Variants in CSMD1 observed in about 807,000 individuals in gnomAD.
CSMD1 encodes the protein CUB and sushi domain-containing protein 1.
A neutral mutation model predicts 417.5 loss-of-function variants in CSMD1; 213 were observed. That is an observed-to-expected ratio of 0.51 (90% confidence interval 0.46 to 0.57). The LOEUF (loss-of-function observed/expected upper bound fraction) is 0.57. CSMD1 is among the 20% of genes least tolerant of loss of function. CSMD1 has a pLI of 0.00. For missense variants in CSMD1, 6,923 were observed against 4,529.7 expected (o/e 1.53, Z -15.17); for synonymous variants, 2,862 against 1,736.8 (o/e 1.65, Z -16.11).
At chr8:4,053,379 T>G (rs1798533233) in intron 3 of CSMD1, among the ~76,000 whole-genome samples, 1 of 152,002 alleles carries the variant, frequency 6.6e-6, no homozygotes, top group Non-Finnish European at 1.5e-5. Flanking sequence ...ACAGACAGTG[T>G]GTGCGCTGAC....
chr8:3,779,276 G>C (rs1016762547), intron 5 of CSMD1, among the ~76,000 whole-genome samples: 1 of 151,846 alleles, frequency 6.6e-6, no homozygotes, highest in Non-Finnish European at 1.5e-5. Context: ...GTTTGCTTGA[G>C]CTTTTATGAA....
intron 1 of CSMD1, among the ~76,000 whole-genome samples, chr8:4,673,313 C>G (rs1231193948): frequency 2.0e-5 from 3 of 152,024 alleles, no homozygotes; most frequent in Non-Finnish European, 4.4e-5. Context: ...AATGCAAGAC[C>G]CAAAGACTCC....
At chr8:3,665,485 C>T (rs867173371) in intron 7 of CSMD1, among the ~76,000 whole-genome samples, 5 of 152,078 alleles carry the variant, frequency 3.3e-5, no homozygotes, top group East Asian at 3.9e-4. Flanking sequence ...GCCAAGATCA[C>T]GCCACTGCAC....
intron 7 of CSMD1, among the ~76,000 whole-genome samples, chr8:3,689,247 G>T (rs1365110697): frequency 6.6e-6 from 1 of 152,156 alleles, no homozygotes; most frequent in Admixed American, 6.5e-5. Context: ...CAGTTACCAT[G>T]AAGTGAATCA....
At chr8:4,149,975 C>G (rs977443323) in intron 3 of CSMD1, among the ~76,000 whole-genome samples, 1 of 152,174 alleles carries the variant, frequency 6.6e-6, no homozygotes, top group Admixed American at 6.5e-5. Flanking sequence ...AAGTTCAGCA[C>G]TGTCACAGAG....
intron 25 of CSMD1, among the ~76,000 whole-genome samples, chr8:3,294,900 C>T (rs752102757): frequency 1.8e-4 from 28 of 152,046 alleles, no homozygotes; most frequent in Non-Finnish European, 2.9e-4. Context: ...AGAAATCGCC[C>T]GTCTTCTGCG....
intron 5 of CSMD1, among the ~76,000 whole-genome samples, chr8:3,936,243 G>C (rs1347566194): frequency 6.6e-6 from 1 of 151,214 alleles, no homozygotes; most frequent in Non-Finnish European, 1.5e-5. Flanking sequence ...AGCAAGTGAT[G>C]ATGGAAAGCT....
At chr8:3,689,796 G>C (rs78843255) in intron 7 of CSMD1, among the ~76,000 whole-genome samples, 1 of 152,172 alleles carries the variant, frequency 6.6e-6, no homozygotes, top group Admixed American at 6.5e-5. Flanking sequence ...CAAAGTTACA[G>C]TCTATTCATT....
rs570934601 is a variant in CSMD1, at chr8:4,209,727, C to G, written c.416-177628G>C. ...GCAACTTTTATTGACTGAAGCAGCACCAGATGTCCTGCTCCTAGCACAGCA... is the reference window on the plus strand; with the variant it reads ...GCAACTTTTATTGACTGAAGCAGCAGCAGATGTCCTGCTCCTAGCACAGCA... On this transcript the variant is annotated intron_variant, in intron 3 of 69. Transcript: ENST00000635120. Among the ~76,000 whole-genome samples, 84 of 152,284 alleles carry G rather than the reference C, an allele frequency of 5.5e-4. 1 individual carries two copies. The South Asian group carries it at 0.013, about 23-fold the overall frequency.
intron 1 of CSMD1, among the ~76,000 whole-genome samples, chr8:4,878,885 A>G (rs10435673): frequency 0.98 from 148,724 of 151,212 alleles, 73,148 homozygotes; most frequent in East Asian, 1. Flanking sequence ...ACACACAAAA[A>G]GCTGATGATG....
At chr8:3,330,243 T>G (rs190399175) in intron 23 of CSMD1, among the ~76,000 whole-genome samples, 1 of 152,310 alleles carries the variant, frequency 6.6e-6, no homozygotes, top group East Asian at 1.9e-4. Context: ...TAAAAACAAC[T>G]TGCCTATACT....
chr8:3,043,505 T>C (rs1811245772), intron 50 of CSMD1, among the ~76,000 whole-genome samples: 2 of 152,096 alleles, frequency 1.3e-5, no homozygotes, highest in African/African-American at 4.8e-5. Context: ...TTTTTTATGA[T>C]GTATATAAAT....
intron 2 of CSMD1, among the ~76,000 whole-genome samples, chr8:4,459,184 G>A (rs1213991752): frequency 6.6e-6 from 1 of 152,166 alleles, no homozygotes; most frequent in Non-Finnish European, 1.5e-5. Context: ...AGATGAGTTT[G>A]GCCAACAGGC....
intron 3 of CSMD1, among the ~76,000 whole-genome samples, chr8:4,088,696 A>G (rs1026994007): frequency 2.0e-5 from 3 of 152,014 alleles, no homozygotes; most frequent in African/African-American, 7.2e-5. Context: ...GTTCATTGCA[A>G]TCAGCTCCCC....
chr8:3,337,255 G>C, intron 23 of CSMD1, among the ~76,000 whole-genome samples: 1 of 152,112 alleles, frequency 6.6e-6, no homozygotes, highest in East Asian at 1.9e-4. Context: ...AAAATATTTT[G>C]ATAAACATAC....
At chr8:4,441,286 G>A (rs1307673184) in intron 2 of CSMD1, among the ~76,000 whole-genome samples, 52 of 110,716 alleles carry the variant, frequency 4.7e-4, no homozygotes, top group Non-Finnish European at 7.5e-4. Context: ...TTTTTTTGGT[G>A]GGGGGAGTAG....
At chr8:3,126,688 A>C (rs900949716) in intron 41 of CSMD1, among the ~76,000 whole-genome samples, 19 of 152,180 alleles carry the variant, frequency 1.2e-4, no homozygotes, top group Non-Finnish European at 4.4e-5. Flanking sequence ...CCTGGTTCTC[A>C]ACTCTAAGAC....
At chr8:3,046,308 G>A (rs189336096) in intron 50 of CSMD1, among the ~76,000 whole-genome samples, 26 of 152,246 alleles carry the variant, frequency 1.7e-4, no homozygotes, top group African/African-American at 5.8e-4. Context: ...CTTGGTGAGG[G>A]AATGAGTGTG....
chr8:4,599,243 A>C (rs944640599), intron 2 of CSMD1, among the ~76,000 whole-genome samples: 11 of 152,204 alleles, frequency 7.2e-5, no homozygotes, highest in Non-Finnish European at 1.2e-4. Flanking sequence ...AGATTAAATA[A>C]TTCTACCCCA....
Sources: gnomAD v4.1 joint callset for allele counts (sites outside exome capture counted in the v4.1 genomes callset) on GRCh38, gnomAD v4.1.1 for gene constraint, MANE v1.5 for transcripts, NCBI Gene and HGNC (gene_info 2026-07-23, HGNC 2026-07-21) for gene names.